PTPRD: variants seen among roughly 807,000 people sequenced by gnomAD.
PTPRD encodes protein tyrosine phosphatase receptor type D, also known as receptor-type tyrosine-protein phosphatase delta.
In PTPRD, 34 loss-of-function variants were observed where a neutral mutation model predicts 214.5. That is an observed-to-expected ratio of 0.16 (90% confidence interval 0.12 to 0.21). The LOEUF (loss-of-function observed/expected upper bound fraction) is 0.21, where lower values mean the gene tolerates loss of function less well. Ranked by LOEUF, PTPRD falls within the 10% of genes least tolerant of loss-of-function variation. The pLI, the probability that PTPRD is intolerant of heterozygous loss-of-function variation, is 1.00. For missense variants in PTPRD, 2,545 were observed against 2,398.7 expected (o/e 1.06, Z -1.27); for synonymous variants, 1,128 against 845.7 (o/e 1.33, Z -5.79).
intron 5 of PTPRD, among the ~76,000 whole-genome samples, chr9:9,795,055 C>A (rs751627604): frequency 8.5e-5 from 13 of 152,292 alleles, no homozygotes; most frequent in African/African-American, 2.4e-4. Flanking sequence ...CTCCCAAGCC[C>A]CTGGGAGGAG....
At chr9:10,120,383 A>G (rs1405653398) in intron 3 of PTPRD, among the ~76,000 whole-genome samples, 1 of 151,996 alleles carries the variant, frequency 6.6e-6, no homozygotes, top group Non-Finnish European at 1.5e-5. Flanking sequence ...AGTACTTTTT[A>G]TCCTCACTTC....
chr9:9,778,318 A>C (rs1490487134), intron 5 of PTPRD, among the ~76,000 whole-genome samples: 1 of 152,128 alleles, frequency 6.6e-6, no homozygotes, highest in Non-Finnish European at 1.5e-5. Flanking sequence ...CTAGGATCCT[A>C]GCTACAGGGT....
At chr9:8,549,655 G>A (rs1425584701) in intron 14 of PTPRD, among the ~76,000 whole-genome samples, 1 of 152,158 alleles carries the variant, frequency 6.6e-6, no homozygotes, top group Non-Finnish European at 1.5e-5. Context: ...AGAAAGTAAT[G>A]CAACTTTGAG....
intron 11 of PTPRD, among the ~76,000 whole-genome samples, chr9:8,840,993 T>C (rs897059798): frequency 9.9e-5 from 15 of 152,140 alleles, no homozygotes; most frequent in Admixed American, 7.2e-4. Context: ...TTTCCTATAA[T>C]GACAATTTCA....
intron 14 of PTPRD, among the ~76,000 whole-genome samples, chr9:8,630,701 C>A (rs1374774352): frequency 2.6e-5 from 4 of 151,742 alleles, no homozygotes; most frequent in African/African-American, 9.7e-5. Flanking sequence ...AAAGTTGAGA[C>A]CATATTAAAC....
At chr9:9,091,860 AATT>A (rs1254433328) in intron 10 of PTPRD, among the ~76,000 whole-genome samples, 1 of 152,110 alleles carries the variant, frequency 6.6e-6, no homozygotes, top group Admixed American at 6.6e-5. Flanking sequence ...CTTAAAACTC[AATT>A]GGGTTTTGTG....
rs117983569 is a variant in PTPRD at position 8,656,147 on chromosome 9, G to C, written c.65-19303C>G. The stretch of plus-strand genomic sequence containing the variant: ...GCCCCCCACAACTGAATCACCTGTT[G>C]TTACTTGTTAAAGATGCATATTCTC... On this transcript the variant is annotated intron_variant, in intron 12 of 45. Transcript: ENST00000381196. 1.6e-3 allele frequency among the ~76,000 whole-genome samples: 250 copies of C among 152,180 alleles called. 2 individuals carry two copies. The Middle Eastern group carries it at 0.024, about 14-fold the overall frequency.
intron 11 of PTPRD, among the ~76,000 whole-genome samples, chr9:9,004,145 G>T (rs1191166172): frequency 1.3e-5 from 2 of 152,068 alleles, no homozygotes; most frequent in South Asian, 4.1e-4. Context: ...AACAGCTTTT[G>T]TCAATCAGAA....
At chr9:9,413,058 C>G (rs1393697744) in intron 8 of PTPRD, among the ~76,000 whole-genome samples, 1 of 146,460 alleles carries the variant, frequency 6.8e-6, no homozygotes, top group Non-Finnish European at 1.5e-5. Flanking sequence ...GTGATGAGGA[C>G]AGTCATTTTG....
At chr9:8,990,257 G>A (rs2099361154) in intron 11 of PTPRD, among the ~76,000 whole-genome samples, 1 of 152,166 alleles carries the variant, frequency 6.6e-6, no homozygotes, top group Admixed American at 6.6e-5. Flanking sequence ...AAAGGAGCAA[G>A]GGTCCCACTT....
chr9:9,380,938 C>G (rs2062042341), intron 9 of PTPRD, among the ~76,000 whole-genome samples: 1 of 152,074 alleles, frequency 6.6e-6, no homozygotes, highest in African/African-American at 2.4e-5. Flanking sequence ...ATGTAATGCT[C>G]TTCTTTATTC....
intron 4 of PTPRD, among the ~76,000 whole-genome samples, chr9:9,974,067 A>T (rs2095260057): frequency 6.6e-6 from 1 of 152,224 alleles, no homozygotes; most frequent in African/African-American, 2.4e-5. Context: ...TATTATGGAA[A>T]CAGCTTTTAT....
At chr9:9,186,427 T>C (rs1302203581) in intron 9 of PTPRD, among the ~76,000 whole-genome samples, 1 of 152,008 alleles carries the variant, frequency 6.6e-6, no homozygotes, top group African/African-American at 2.4e-5. Flanking sequence ...CTGGGCAACA[T>C]CATAAGATCC....
At chr9:9,565,304 T>C (rs904303652) in intron 8 of PTPRD, among the ~76,000 whole-genome samples, 68 of 151,888 alleles carry the variant, frequency 4.5e-4, no homozygotes, top group African/African-American at 1.6e-3. Flanking sequence ...AATATGCGGT[T>C]TTTAAAATTA....
At chr9:10,161,220 G>A (rs989259560) in intron 3 of PTPRD, among the ~76,000 whole-genome samples, 1 of 151,592 alleles carries the variant, frequency 6.6e-6, no homozygotes, top group African/African-American at 2.4e-5. Flanking sequence ...TTTCTACACT[G>A]TCCATGGAAT....
At chr9:9,555,518 A>G (rs1019078175) in intron 8 of PTPRD, among the ~76,000 whole-genome samples, 2 of 152,112 alleles carry the variant, frequency 1.3e-5, no homozygotes, top group African/African-American at 4.8e-5. Context: ...ACACATGCAC[A>G]TAATTACATG....
chr9:8,353,818 ATAT>A (rs2076165600), intron 39 of PTPRD, among the ~76,000 whole-genome samples: 13 of 17,950 alleles, frequency 7.2e-4, no homozygotes, highest in African/African-American at 1.7e-3. Flanking sequence ...TCAAAAAAAA[ATAT>A]ATGTATATAT....
At chr9:8,563,095 T>A (rs1189643745) in intron 14 of PTPRD, among the ~76,000 whole-genome samples, 1 of 152,168 alleles carries the variant, frequency 6.6e-6, no homozygotes, top group Non-Finnish European at 1.5e-5. Flanking sequence ...CATGAGTGAA[T>A]ATAGAAATAA....
At chr9:9,494,620 T>C (rs2096084647) in intron 8 of PTPRD, among the ~76,000 whole-genome samples, 1 of 152,086 alleles carries the variant, frequency 6.6e-6, no homozygotes, top group African/African-American at 2.4e-5. Flanking sequence ...ATCAAGGAGG[T>C]GGAAAATTTG....
Sources: gnomAD v4.1 joint callset for allele counts (sites outside exome capture counted in the v4.1 genomes callset) on GRCh38, gnomAD v4.1.1 for gene constraint, MANE v1.5 for transcripts, NCBI Gene and HGNC (gene_info 2026-07-23, HGNC 2026-07-21) for gene names.